Variants in PVT1 observed in about 807,000 individuals in gnomAD.
PVT1 encodes Pvt1 oncogene, also known as CXCR4/PVT1 fusion.
At chr8:127,981,438 G>C (rs572485499) in intron 3 of PVT1, among the ~76,000 whole-genome samples, 3 of 152,218 alleles carry the variant, frequency 2.0e-5, no homozygotes, top group South Asian at 2.1e-4. Flanking sequence ...GTGGTGGGTG[G>C]TGTTTATCTG....
chr8:127,807,435 G>A (rs1350394020), intron 2 of PVT1, among the ~76,000 whole-genome samples: 2 of 152,188 alleles, frequency 1.3e-5, no homozygotes, highest in Admixed American at 1.3e-4. Flanking sequence ...CCAGGCTCAA[G>A]TGATTCTCCT....
chr8:127,966,871 G>C (rs1344232778), intron 3 of PVT1, among the ~76,000 whole-genome samples: 1 of 152,076 alleles, frequency 6.6e-6, no homozygotes, highest in African/African-American at 2.4e-5. Flanking sequence ...CTGCTGACGG[G>C]GATATTAGAA....
At chr8:127,937,815 AT>A (rs1816298362) in intron 3 of PVT1, among the ~76,000 whole-genome samples, 1 of 152,150 alleles carries the variant, frequency 6.6e-6, no homozygotes, top group African/African-American at 2.4e-5. Context: ...GGCATTATTT[AT>A]TACCCATGGT....
At chr8:127,847,614 C>T (rs1815050960) in intron 2 of PVT1, among the ~76,000 whole-genome samples, 1 of 152,198 alleles carries the variant, frequency 6.6e-6, no homozygotes, top group South Asian at 2.1e-4. Flanking sequence ...AATGATGACA[C>T]ATTGTGCTAG....
intron 2 of PVT1, among the ~76,000 whole-genome samples, chr8:127,880,115 C>T (rs977021116): frequency 1.3e-5 from 2 of 151,174 alleles, no homozygotes; most frequent in African/African-American, 4.9e-5. Flanking sequence ...CAACAAATGT[C>T]CTCGCTTATG....
At chr8:128,080,642 T>G (rs188660827) in intron 5 of PVT1, among the ~76,000 whole-genome samples, 1 of 152,352 alleles carries the variant, frequency 6.6e-6, no homozygotes, top group Admixed American at 6.5e-5. Flanking sequence ...TGCAAATATT[T>G]TCTCCCAGTC....
At chr8:127,934,227 T>G (rs1225409158) in intron 3 of PVT1, among the ~76,000 whole-genome samples, 2 of 152,220 alleles carry the variant, frequency 1.3e-5, no homozygotes, top group Non-Finnish European at 2.9e-5. Flanking sequence ...CAGTTCTTTT[T>G]GGGGGAAGGA....
At chr8:127,860,284 G>A (rs988763848) in intron 2 of PVT1, among the ~76,000 whole-genome samples, 49 of 152,316 alleles carry the variant, frequency 3.2e-4, no homozygotes, top group African/African-American at 1.2e-3. Context: ...CCAGCAACAG[G>A]CTGCTCCTCT....
At chr8:128,032,973 C>G (rs1813410651) in intron 4 of PVT1, among the ~76,000 whole-genome samples, 2 of 152,184 alleles carry the variant, frequency 1.3e-5, no homozygotes, top group African/African-American at 4.8e-5. Context: ...TGCAGAGGTG[C>G]ATGGTGGAGG....
chr8:128,014,479 T>C lies in PVT1; in HGVS notation n.912+25188T>C, dbSNP rs77796025. Among the ~76,000 whole-genome samples, 672 of 152,324 alleles carry C rather than the reference T, an allele frequency of 4.4e-3. 2 individuals are homozygous for C. Among genetic ancestry groups the C allele is most frequent in the African/African-American group, 0.016 (645 of 41,576 alleles). On this transcript the variant is annotated intron_variant and non_coding_transcript_variant, in intron 4 of 10. Transcript: ENST00000651587. ...AGAAGTGAAGGCCTTGAAATGCCTC[T>C]CTCTGCACATCTGGCCTCACTGTCA... is the stretch of plus-strand genomic sequence containing the variant.
chr8:127,879,800 C>T (rs1448599275), intron 2 of PVT1, among the ~76,000 whole-genome samples: 1 of 152,220 alleles, frequency 6.6e-6, no homozygotes, highest in Non-Finnish European at 1.5e-5. Flanking sequence ...ATGCCACCTT[C>T]GACGGACAAT....
chr8:128,078,001 A>T (rs946830919), intron 5 of PVT1, among the ~76,000 whole-genome samples: 1 of 152,182 alleles, frequency 6.6e-6, no homozygotes, highest in East Asian at 1.9e-4. Context: ...GGTCGTGGGG[A>T]TGGTTCCTGC....
At chr8:127,953,652 T>G (rs1320300739) in intron 3 of PVT1, among the ~76,000 whole-genome samples, 1 of 152,228 alleles carries the variant, frequency 6.6e-6, no homozygotes, top group African/African-American at 2.4e-5. Context: ...ATAAAAAAGC[T>G]GAGACTGAAA....
At chr8:127,903,314 A>G (rs564841444) in intron 3 of PVT1, among the ~76,000 whole-genome samples, 50 of 152,204 alleles carry the variant, frequency 3.3e-4, no homozygotes, top group African/African-American at 1.2e-3. Context: ...TAAGTTCCTT[A>G]TCGATTCTGG....
intron 2 of PVT1, among the ~76,000 whole-genome samples, chr8:127,874,905 T>G (rs1273757095): frequency 1.2e-5 from 1 of 85,322 alleles, no homozygotes; most frequent in Non-Finnish European, 2.1e-5. Context: ...GGCCTCCAGG[T>G]GTGTGTGTGT....
intron 3 of PVT1, among the ~76,000 whole-genome samples, chr8:127,927,510 G>T (rs559241582): frequency 6.6e-6 from 1 of 152,328 alleles, no homozygotes; most frequent in East Asian, 1.9e-4. Flanking sequence ...CTCTTAGGGG[G>T]ATGAGTTCTT....
intron 3 of PVT1, among the ~76,000 whole-genome samples, chr8:127,941,117 C>CTAG (rs1241390116): frequency 6.6e-6 from 1 of 152,202 alleles, no homozygotes; most frequent in African/African-American, 2.4e-5. Context: ...AGCCTCCTCG[C>CTAG]TAGGCTTGTG....
At chr8:127,983,965 A>C (rs1222267163) in intron 3 of PVT1, 2 of 127,152 alleles carry the variant, frequency 1.6e-5, no homozygotes, top group East Asian at 4.6e-4. Flanking sequence ...TGCAACCCCC[A>C]CCTCCCGGGT....
chr8:127,906,792 G>A (rs541276587), intron 3 of PVT1, among the ~76,000 whole-genome samples: 1 of 152,186 alleles, frequency 6.6e-6, no homozygotes, highest in African/African-American at 2.4e-5. Context: ...CCTTTATTGA[G>A]TGCCTACTAT....
Sources: gnomAD v4.1 joint callset for allele counts (sites outside exome capture counted in the v4.1 genomes callset) on GRCh38, gnomAD v4.1.1 for gene constraint, MANE v1.5 for transcripts, NCBI Gene and HGNC (gene_info 2026-07-23, HGNC 2026-07-21) for gene names.